The following BCAS3 variants were observed in gnomAD, a reference collection of about 807,000 sequenced individuals.
BCAS3 encodes the protein BCAS3 microtubule associated cell migration factor.
BCAS3 carries 53 observed loss-of-function variants against 116.1 expected under a neutral mutation model. The observed-to-expected ratio is 0.46, with a 90% CI of 0.37 to 0.57. The LOEUF (loss-of-function observed/expected upper bound fraction) is 0.57, where lower values mean the gene tolerates loss of function less well. BCAS3 is among the 20% of genes least tolerant of loss of function. The probability of loss-of-function intolerance (pLI) is 0.00; values close to 1 mark genes in which losing one functional copy is unlikely to be tolerated. For missense variants in BCAS3, 917 were observed against 1,165.4 expected, an observed-to-expected ratio of 0.79 and a Z score of 3.10; for synonymous variants, 391 against 408.2, an observed-to-expected ratio of 0.96 and a Z score of 0.51.
intron 22 of BCAS3, chr17:61,086,900 G>T (rs1357744993): frequency 2.0e-6 from 2 of 985,150 alleles, no homozygotes; most frequent in Non-Finnish European, 1.2e-6. Context: ...CGCATTTTTT[G>T]AGTGAATAAT....
intron 22 of BCAS3, among the ~76,000 whole-genome samples, chr17:61,301,083 A>G (rs1195419484): frequency 1.3e-5 from 2 of 152,246 alleles, no homozygotes; most frequent in Non-Finnish European, 2.9e-5. Context: ...TGTACTTTCA[A>G]AGTCAAAATG....
chr17:61,148,476 T>G (rs2077366039), intron 22 of BCAS3, among the ~76,000 whole-genome samples: 1 of 152,228 alleles, frequency 6.6e-6, no homozygotes, highest in African/African-American at 2.4e-5. Context: ...CATTTAAGGT[T>G]GCTGCTGCCG....
At chr17:61,266,911 A>C (rs2049772199) in intron 22 of BCAS3, among the ~76,000 whole-genome samples, 5 of 152,200 alleles carry the variant, frequency 3.3e-5, no homozygotes. Context: ...ACATTCATCC[A>C]TTGCCAGACA....
At chr17:60,773,393 G>A (rs971465199) in intron 6 of BCAS3, among the ~76,000 whole-genome samples, 1 of 150,794 alleles carries the variant, frequency 6.6e-6, no homozygotes, top group Non-Finnish European at 1.5e-5. Context: ...CCAGGCTCGG[G>A]CAGTCCTCCC....
Position 60,802,791 on chromosome 17 carries a change from G to A in BCAS3, c.404-5213G>A, listed in dbSNP as rs929691438. Among the ~76,000 whole-genome samples the A allele has an allele frequency of 3.3e-5, 5 of 152,036 alleles. No individual in the cohort carries two copies. The East Asian group carries it at 5.8e-4, about 18-fold the overall frequency. ...CGAGTGGCTGGAATTATAGACACCC[G>A]GCTAATTTTGTATTTTTAGTAGAGA... On this transcript the variant is annotated intron_variant, in intron 6 of 23. Coordinates refer to ENST00000407086, the MANE Select transcript of BCAS3 (RefSeq NM_017679.5).
In BCAS3 at chr17:61,337,019, A is replaced by G. The variant is rs2056775524; in HGVS notation, c.2426-31308A>G. Among the ~76,000 whole-genome samples, 1 of 152,074 alleles carries G rather than the reference A, an allele frequency of 6.6e-6. No individual in the cohort carries two copies. The highest frequency in any genetic ancestry group is 2.4e-5 in the African/African-American group (1 of 41,434). On this transcript the variant is annotated intron_variant, in intron 22 of 23. Transcript: ENST00000407086. This position sits in a 1 kb window ranked among gnomAD's most constrained non-coding sequence, Gnocchi z 4.8. The stretch of plus-strand genomic sequence containing the variant: ...TCCCAGCTACTCAGGAGGCTGAGGC[A>G]GGAGAATCACTTGAACCTGGGAGGT...
At position 61,198,126 on chromosome 17, in the gene BCAS3, A is replaced by T. The variant is rs10512494; in HGVS notation, c.2425+113562A>T. Among the ~76,000 whole-genome samples, 32,167 of 148,388 alleles carry T rather than the reference A, an allele frequency of 0.22. 4,318 individuals carry two copies. Among genetic ancestry groups the T allele is most frequent in the African/African-American group, 0.39 (15,828 of 40,816 alleles). ...TGATATGCGATTAAGATAAAGTGCA[A>T]GATATGTTTTTTTTTTTTCTTTTTT... On this transcript the variant is annotated intron_variant, in intron 22 of 23. Transcript: ENST00000407086. The surrounding 1 kb of genome is among the most constrained non-coding windows in gnomAD (Gnocchi z 5.0).
chr17:61,225,323 G>A (rs2082317244), intron 22 of BCAS3, among the ~76,000 whole-genome samples: 1 of 152,076 alleles, frequency 6.6e-6, no homozygotes, highest in South Asian at 2.1e-4. Flanking sequence ...TCCCAGCACT[G>A]ATCTAATTCC....
At chr17:60,948,946 G>A (rs549640344) in intron 14 of BCAS3, among the ~76,000 whole-genome samples, 13 of 150,052 alleles carry the variant, frequency 8.7e-5, no homozygotes, top group Middle Eastern at 3.6e-3. Context: ...GTATGATCTC[G>A]GCTCACTGCA....
chr17:61,068,238 T>TATA lies in BCAS3; in HGVS notation c.2030-6681_2030-6680insTAA, dbSNP rs2070937040. ...TTATTTTTCTTTAAATAAACTCTAT[T>TATA]AAGTTTTTTTTAGTACCTCCATTCG... On this transcript the variant is annotated intron_variant, in intron 19 of 23. Coordinates refer to ENST00000407086, the MANE Select transcript of BCAS3 (RefSeq NM_017679.5). This position sits in a 1 kb window ranked among gnomAD's most constrained non-coding sequence, Gnocchi z 4.3. 6.6e-6 allele frequency among the ~76,000 whole-genome samples: 1 copy of TATA among 152,214 alleles called. No homozygotes were observed.
intron 14 of BCAS3, among the ~76,000 whole-genome samples, chr17:60,976,038 T>TTC (rs1555644326): frequency 2.0e-4 from 27 of 138,064 alleles, no homozygotes; most frequent in Admixed American, 6.6e-4. Flanking sequence ...TTTTTTTTTT[T>TTC]TTCTTTTTGA....
intron 10 of BCAS3, among the ~76,000 whole-genome samples, chr17:60,894,229 A>G (rs1033839167): frequency 2.0e-5 from 3 of 151,794 alleles, no homozygotes; most frequent in Non-Finnish European, 4.4e-5. Flanking sequence ...ATGTTTTTCC[A>G]TTTGTTGGTG....
chr17:61,374,531 C>G (rs1190677175), intron 23 of BCAS3, among the ~76,000 whole-genome samples: 1 of 152,192 alleles, frequency 6.6e-6, no homozygotes, highest in African/African-American at 2.4e-5. Flanking sequence ...CTGTCTGTTC[C>G]CCGTGACTGT....
intron 22 of BCAS3, among the ~76,000 whole-genome samples, chr17:61,123,714 G>T (rs1248962407): frequency 6.6e-6 from 1 of 151,738 alleles, no homozygotes; most frequent in African/African-American, 2.4e-5. Context: ...TCCGTAATCT[G>T]CCCAGTATTA....
chr17:61,079,079 T>C (rs923559477), intron 21 of BCAS3, among the ~76,000 whole-genome samples: 1 of 152,206 alleles, frequency 6.6e-6, no homozygotes, highest in African/African-American at 2.4e-5. Flanking sequence ...AGCTTTTTTT[T>C]TTAATTGCAA....
intron 7 of BCAS3, among the ~76,000 whole-genome samples, chr17:60,840,994 G>A (rs2051847978): frequency 6.6e-6 from 1 of 152,102 alleles, no homozygotes. Flanking sequence ...TTGAACAATG[G>A]AGGCTCATTT....
At position 61,343,421 on chromosome 17, in the gene BCAS3, A is replaced by G. The variant is rs1270086668; in HGVS notation, c.2426-24906A>G. On this transcript the variant is annotated intron_variant, in intron 22 of 23. Transcript: ENST00000407086. The surrounding 1 kb of genome is among the most constrained non-coding windows in gnomAD (Gnocchi z 5.5). ...AGGAGCAGCGATCTGGCCATGGTTT[A>G]TAGCAACAGGGAGTGCATCAGAATC... 6.6e-6 allele frequency among the ~76,000 whole-genome samples: 1 copy of G among 152,214 alleles called. No individual in the cohort carries two copies. Among genetic ancestry groups the G allele is most frequent in the Admixed American group, 6.5e-5 (1 of 15,278 alleles).
chr17:60,918,005 A>G (rs963694811), intron 12 of BCAS3, among the ~76,000 whole-genome samples: 3 of 152,230 alleles, frequency 2.0e-5, no homozygotes, highest in Non-Finnish European at 4.4e-5. Context: ...TTGCTGGATC[A>G]TATGGTAATT....
At chr17:60,757,334 A>G (rs1023843296) in intron 6 of BCAS3, among the ~76,000 whole-genome samples, 7 of 148,118 alleles carry the variant, frequency 4.7e-5, no homozygotes, top group Admixed American at 4.7e-4. Context: ...ATAATAATAA[A>G]TAAATAAATA....
Sources: allele counts gnomAD v4.1 joint callset (sites outside exome capture counted in the v4.1 genomes callset), GRCh38; gene constraint gnomAD v4.1.1; non-coding constraint Gnocchi (gnomAD v3.1); transcripts MANE v1.5; gene names NCBI Gene and HGNC (gene_info 2026-07-23, HGNC 2026-07-21).